The following ITSN1 variants were observed in gnomAD, a reference collection of about 807,000 sequenced individuals.
ITSN1 encodes intersectin 1.
Under a neutral mutation model 239.8 loss-of-function variants are expected in ITSN1, and 58 were observed. That is an observed-to-expected ratio of 0.24 (90% confidence interval 0.20 to 0.30). The LOEUF is 0.30. ITSN1 is among the 10% of genes least tolerant of loss of function. The pLI, the probability that ITSN1 is intolerant of heterozygous loss-of-function variation, is 1.00. For synonymous variants in ITSN1, 780 were observed against 770.8 expected, an observed-to-expected ratio of 1.01 and a Z score of -0.20; for missense variants, 1,558 against 2,103.3, an observed-to-expected ratio of 0.74 and a Z score of 5.07.
At chr21:33,717,996 T>C (rs2065263494) in intron 1 of ITSN1, among the ~76,000 whole-genome samples, 1 of 152,120 alleles carries the variant, frequency 6.6e-6, no homozygotes, top group African/African-American at 2.4e-5. Flanking sequence ...CTGGGACAGA[T>C]GTTAGTGTAA....
chr21:33,687,693 G>A (rs1403046060), intron 1 of ITSN1, among the ~76,000 whole-genome samples: 1 of 152,104 alleles, frequency 6.6e-6, no homozygotes, highest in Non-Finnish European at 1.5e-5. Context: ...ACATAGTTAG[G>A]GACAGTTGTT....
chr21:33,779,912 A>G (rs1052021036), intron 14 of ITSN1, among the ~76,000 whole-genome samples: 1 of 151,970 alleles, frequency 6.6e-6, no homozygotes. Context: ...GCTCACTGCA[A>G]CCTCTGCTTC....
intron 1 of ITSN1, among the ~76,000 whole-genome samples, chr21:33,715,673 A>G (rs2065093102): frequency 6.6e-6 from 1 of 152,240 alleles, no homozygotes; most frequent in African/African-American, 2.4e-5. Flanking sequence ...CTGATTCACA[A>G]ACCTCTGGTT....
chr21:33,697,669 TATCTC>T lies in ITSN1; in HGVS notation c.-32-21126_-32-21122del, dbSNP rs556557714. 2.0e-4 allele frequency among the ~76,000 whole-genome samples: 30 copies of T among 152,344 alleles called. No individual in the cohort carries two copies. The South Asian group carries it at 5.6e-3, about 28-fold the overall frequency. ...ATAAAATTTTGATTTGAAAGGCTCT[TATCTC>T]AATCAGTGGTTCTTAAAATTATTGT... On this transcript the variant is annotated intron_variant, in intron 1 of 39. Coordinates refer to ENST00000381318, the MANE Select transcript of ITSN1 (RefSeq NM_003024.3).
chr21:33,701,846 T>C (rs1264612104), intron 1 of ITSN1, among the ~76,000 whole-genome samples: 2 of 149,490 alleles, frequency 1.3e-5, no homozygotes, highest in Non-Finnish European at 1.5e-5. Context: ...GGTGGGCGGA[T>C]TGCCTGAGCT....
intron 1 of ITSN1, among the ~76,000 whole-genome samples, chr21:33,673,638 C>T (rs1461976350): frequency 2.0e-5 from 3 of 151,154 alleles, no homozygotes; most frequent in South Asian, 2.1e-4. Flanking sequence ...TGTGTCTTGT[C>T]GGAACCTACC....
At chr21:33,822,566 T>A (rs1234094769) in intron 24 of ITSN1, among the ~76,000 whole-genome samples, 2 of 152,254 alleles carry the variant, frequency 1.3e-5, no homozygotes, top group Non-Finnish European at 2.9e-5. Flanking sequence ...GTGATCTTTC[T>A]GAGAGTGTGA....
At chr21:33,785,007 C>G (rs1468077941) in intron 16 of ITSN1, among the ~76,000 whole-genome samples, 1 of 152,134 alleles carries the variant, frequency 6.6e-6, no homozygotes, top group Non-Finnish European at 1.5e-5. Context: ...TTGTTGTATC[C>G]TAAACCTTCC....
intron 27 of ITSN1, among the ~76,000 whole-genome samples, chr21:33,832,965 C>T (rs528356015): frequency 3.9e-5 from 6 of 152,044 alleles, no homozygotes; most frequent in African/African-American, 1.4e-4. Context: ...CCCACCTTGT[C>T]CCCAGAGGTG....
At position 33,766,015 on chromosome 21, in the gene ITSN1, A is replaced by G. The variant is rs149112262; in HGVS notation, c.926+3A>G. On this transcript the variant is annotated splice_donor_region_variant and intron_variant, in intron 10 of 39. Coordinates refer to ENST00000381318, the MANE Select transcript of ITSN1 (RefSeq NM_003024.3). ...GAATACATTCCACCTTCTTTTAGGT[A>G]AGGAACATGGGCTCTGATCAGGAAT... 204 of 1,614,136 alleles carry G rather than the reference A, an allele frequency of 1.3e-4. No homozygotes were observed. The highest frequency in any genetic ancestry group is 1.6e-4 in the Middle Eastern group (1 of 6,062).
At chr21:33,719,552 T>C (rs1279557760) in intron 2 of ITSN1, among the ~76,000 whole-genome samples, 7 of 152,250 alleles carry the variant, frequency 4.6e-5, no homozygotes, top group Non-Finnish European at 7.3e-5. Flanking sequence ...TTTAGACATT[T>C]CTTGTTATGG....
intron 14 of ITSN1, among the ~76,000 whole-genome samples, chr21:33,775,972 C>T (rs1022597298): frequency 2.1e-4 from 32 of 152,152 alleles, no homozygotes; most frequent in African/African-American, 6.7e-4. Context: ...ATCATATTTG[C>T]CTGTGATTCC....
At chr21:33,884,506 C>T (rs1224176820) in intron 36 of ITSN1, among the ~76,000 whole-genome samples, 1 of 152,142 alleles carries the variant, frequency 6.6e-6, no homozygotes, top group East Asian at 1.9e-4. Flanking sequence ...AGCATCATTC[C>T]AAAGAGCATT....
chr21:33,712,018 C>A (rs555001915), intron 1 of ITSN1, among the ~76,000 whole-genome samples: 1 of 152,120 alleles, frequency 6.6e-6, no homozygotes, highest in African/African-American at 2.4e-5. Flanking sequence ...CTAAAATTTT[C>A]ATTTGATTCT....
chr21:33,697,369 A>G (rs1474656576), intron 1 of ITSN1, among the ~76,000 whole-genome samples: 1 of 151,540 alleles, frequency 6.6e-6, no homozygotes, highest in Non-Finnish European at 1.5e-5. Flanking sequence ...GGTGTGAGCC[A>G]CTGTGCCTAG....
At chr21:33,834,191 A>G (rs990825597) in intron 27 of ITSN1, 116 bp from the exon 28 acceptor site, 7 of 710,502 alleles carry the variant, frequency 9.9e-6, no homozygotes, top group Non-Finnish European at 1.7e-5. Flanking sequence ...TTTTACCGTT[A>G]ATGTCATTTG....
Position 33,793,745 on chromosome 21 carries a change from G to A in ITSN1, c.1825-596G>A, listed in dbSNP as rs757743070. Reference sequence around the variant, plus strand: ...GCTGGTTTAGTTTGGGGCAGTTAGCGACTTGAAGGATAGATTTAGTAAGAA... The same window carrying A: ...GCTGGTTTAGTTTGGGGCAGTTAGCAACTTGAAGGATAGATTTAGTAAGAA... On this transcript the variant is annotated intron_variant, in intron 16 of 39. Coordinates refer to ENST00000381318, the MANE Select transcript of ITSN1 (RefSeq NM_003024.3). Among the ~76,000 whole-genome samples, 4 of 152,118 alleles carry A rather than the reference G, an allele frequency of 2.6e-5. 1 individual carries two copies. Among genetic ancestry groups the A allele is most frequent in the Middle Eastern group, 6.3e-3 (2 of 316 alleles).
chr21:33,834,226 C>A, intron 27 of ITSN1, 81 bp from the exon 28 acceptor site: 2 of 960,688 alleles, frequency 2.1e-6, no homozygotes, highest in South Asian at 1.4e-5. Flanking sequence ...GTAAGCTTTA[C>A]ATAAGTGCTC....
chr21:33,829,023 C>T (rs1393964274), intron 26 of ITSN1: 2 of 470,778 alleles, frequency 4.2e-6, no homozygotes, highest in East Asian at 6.9e-5. Flanking sequence ...ATGATTTGCA[C>T]CTGATATTCA....
Sources: gnomAD v4.1 joint callset for allele counts (sites outside exome capture counted in the v4.1 genomes callset) on GRCh38, gnomAD v4.1.1 for gene constraint, MANE v1.5 for transcripts, NCBI Gene and HGNC (gene_info 2026-07-23, HGNC 2026-07-21) for gene names.